NECTIN2: variants seen among roughly 807,000 people sequenced by gnomAD.
The protein encoded by NECTIN2 is nectin-2.
NECTIN2 carries 23 observed loss-of-function variants against 56.9 expected under a neutral mutation model. That is an observed-to-expected ratio of 0.40 (90% confidence interval 0.29 to 0.57). The LOEUF (loss-of-function observed/expected upper bound fraction) is 0.57, where lower values mean the gene tolerates loss of function less well. Ranked by LOEUF, NECTIN2 falls within the 20% of genes least tolerant of loss-of-function variation. The probability of loss-of-function intolerance (pLI) is 0.38; values close to 1 mark genes in which losing one functional copy is unlikely to be tolerated. For synonymous variants in NECTIN2, 302 were observed against 313.8 expected, an observed-to-expected ratio of 0.96 and a Z score of 0.40; for missense variants, 587 against 718.3, an observed-to-expected ratio of 0.82 and a Z score of 2.09.
chr19:44,847,953 AC>A (rs1362859667), intron 1 of NECTIN2, among the ~76,000 whole-genome samples: 2 of 151,730 alleles, frequency 1.3e-5, no homozygotes, highest in Non-Finnish European at 2.9e-5. Context: ...CTGGGAGGGA[AC>A]CCTTGAAAGA....
intron 2 of NECTIN2, 120 bp from the exon 3 acceptor site, chr19:44,871,733 A>G: frequency 8.9e-7 from 1 of 1,126,216 alleles, no homozygotes. Context: ...GCCGCTGATA[A>G]GCAGCAGAGC....
intron 6 of NECTIN2, among the ~76,000 whole-genome samples, chr19:44,885,727 G>C (rs994557767): frequency 6.6e-5 from 10 of 152,162 alleles, no homozygotes; most frequent in Non-Finnish European, 1.5e-4. Context: ...AGGTATGTCC[G>C]TGTAACAGGA....
chr19:44,879,569 T>C (rs1599925696), intron 5 of NECTIN2, among the ~76,000 whole-genome samples: 2 of 152,130 alleles, frequency 1.3e-5, no homozygotes, highest in East Asian at 3.9e-4. Flanking sequence ...CAGGGGACTT[T>C]TCAGTGGCTC....
chr19:44,879,272 C>T (rs1969280228), intron 5 of NECTIN2, among the ~76,000 whole-genome samples: 2 of 152,084 alleles, frequency 1.3e-5, no homozygotes, highest in South Asian at 4.1e-4. Context: ...GGCAGGAGTT[C>T]TCTGGACTCC....
At chr19:44,876,693 T>C (rs755178085) in intron 5 of NECTIN2, among the ~76,000 whole-genome samples, 2 of 152,034 alleles carry the variant, frequency 1.3e-5, no homozygotes, top group Non-Finnish European at 1.5e-5. Flanking sequence ...AGCACGAACA[T>C]AGGATACGAA....
intron 1 of NECTIN2, among the ~76,000 whole-genome samples, chr19:44,861,099 G>A (rs938367691): frequency 2.6e-5 from 4 of 151,980 alleles, no homozygotes; most frequent in Non-Finnish European, 5.9e-5. Context: ...CCACAATGAG[G>A]TGCCATCTCA....
intron 1 of NECTIN2, among the ~76,000 whole-genome samples, chr19:44,863,393 A>T (rs1055487148): frequency 1.3e-4 from 20 of 152,206 alleles, no homozygotes; most frequent in African/African-American, 4.3e-4. Flanking sequence ...GTGCCACTGC[A>T]CTTCAGCCTG....
intron 1 of NECTIN2, 95 bp downstream of exon 1, chr19:44,846,708 G>A: frequency 2.1e-6 from 2 of 938,826 alleles, no homozygotes; most frequent in Non-Finnish European, 2.8e-6. Flanking sequence ...GCCCACCCCC[G>A]GCTCCCCGAG....
chr19:44,870,109 C>T (rs970468803), intron 2 of NECTIN2, among the ~76,000 whole-genome samples: 9 of 152,146 alleles, frequency 5.9e-5, no homozygotes, highest in East Asian at 1.9e-4. Flanking sequence ...GTGCCCTTGA[C>T]GAAGTGGGGC....
At chr19:44,857,235 CT>C (rs34803447) in intron 1 of NECTIN2, among the ~76,000 whole-genome samples, 39 of 128,406 alleles carry the variant, frequency 3.0e-4, no homozygotes, top group South Asian at 4.9e-4. Context: ...TACAAGTGGA[CT>C]TTTTTTTTTT....
chr19:44,868,949 C>T (rs996142862), intron 2 of NECTIN2, among the ~76,000 whole-genome samples: 4 of 151,842 alleles, frequency 2.6e-5, no homozygotes, highest in African/African-American at 9.7e-5. Context: ...CCCTGGGAGC[C>T]CACCTTCCCT....
chr19:44,867,626 T>C (rs1272927276), intron 2 of NECTIN2, among the ~76,000 whole-genome samples: 2 of 152,174 alleles, frequency 1.3e-5, no homozygotes, highest in South Asian at 2.1e-4. Flanking sequence ...CCTTTGGGCA[T>C]AGCAGAGGGG....
intron 1 of NECTIN2, among the ~76,000 whole-genome samples, chr19:44,854,281 C>T (rs972688608): frequency 6.6e-6 from 1 of 152,118 alleles, no homozygotes; most frequent in Admixed American, 6.5e-5. Context: ...CAGGGTTTCA[C>T]TGTGTCGGCC....
At chr19:44,855,856 GA>G (rs1310525552) in intron 1 of NECTIN2, among the ~76,000 whole-genome samples, 1 of 152,178 alleles carries the variant, frequency 6.6e-6, no homozygotes, top group Non-Finnish European at 1.5e-5. Flanking sequence ...GGAGAGGGCA[GA>G]CCCTCTAGCA....
Position 44,888,594 on chromosome 19 carries a change from A to G in NECTIN2, c.*215A>G. On this transcript the variant is annotated 3_prime_UTR_variant, in exon 9 of 9. Coordinates refer to ENST00000252483, the MANE Select transcript of NECTIN2 (RefSeq NM_001042724.2). ...GGAATCCTGGCAACCTTATCTCATG[A>G]GGCAGGAGGTGGGGAAGGTGCTTCT... 1 of 584,674 alleles carries G rather than the reference A, an allele frequency of 1.7e-6. No individual in the cohort carries two copies. Among genetic ancestry groups the G allele is most frequent in the Non-Finnish European group, 3.0e-6 (1 of 333,494 alleles). 36.2% of individuals were successfully genotyped at this position (584,674 alleles called of 1,614,324 possible).
intron 5 of NECTIN2, among the ~76,000 whole-genome samples, chr19:44,880,646 G>A (rs962092886): frequency 1.3e-5 from 2 of 148,592 alleles, no homozygotes; most frequent in Non-Finnish European, 3.0e-5. Flanking sequence ...TTTTTAAGAA[G>A]TGGGGTGGTC....
chr19:44,852,108 T>G (rs1344872783), intron 1 of NECTIN2, among the ~76,000 whole-genome samples: 1 of 151,846 alleles, frequency 6.6e-6, no homozygotes, highest in African/African-American at 2.4e-5. Flanking sequence ...GGCTCTTTCT[T>G]TTTTCTTTTT....
Position 44,889,155 on chromosome 19 carries a change from G to A in NECTIN2, c.*776G>A, listed in dbSNP as rs1969393301. On this transcript the variant is annotated 3_prime_UTR_variant, in exon 9 of 9. Coordinates refer to ENST00000252483, the MANE Select transcript of NECTIN2 (RefSeq NM_001042724.2). ...CCCTTCCGGGGAAAGTGGGTCATCT[G>A]AATTGGGGGTAGCAATTGATACTGT... 1 of 152,294 alleles carries A rather than the reference G, an allele frequency of 6.6e-6. No homozygotes were observed. Among genetic ancestry groups the A allele is most frequent in the Non-Finnish European group, 1.5e-5 (1 of 68,060 alleles). The allele number at this position is 152,294 out of a possible 1,614,324, so 9.4% of individuals were successfully genotyped here. A position where few individuals can be genotyped will look rare whatever the true frequency, so the allele number is the denominator to read the frequency against.
At chr19:44,869,188 C>T (rs1280624316) in intron 2 of NECTIN2, among the ~76,000 whole-genome samples, 2 of 151,288 alleles carry the variant, frequency 1.3e-5, no homozygotes, top group Admixed American at 1.3e-4. Context: ...GAGATAACTT[C>T]AGGGCTGGGC....
Sources: allele counts gnomAD v4.1 joint callset (sites outside exome capture counted in the v4.1 genomes callset), GRCh38; gene constraint gnomAD v4.1.1; transcripts MANE v1.5; gene names NCBI Gene and HGNC (gene_info 2026-07-23, HGNC 2026-07-21).